The following TMEM138 variants were observed in gnomAD, a reference collection of about 807,000 sequenced individuals.
TMEM138 encodes the protein transmembrane protein 138.
In TMEM138, 9 loss-of-function variants were observed where a neutral mutation model predicts 18.1. The observed-to-expected ratio is 0.50, with a 90% CI of 0.30 to 0.87. TMEM138 has a LOEUF of 0.87. TMEM138 is among the 40% of genes least tolerant of loss of function. The probability of loss-of-function intolerance (pLI) is 0.06; values close to 1 mark genes in which losing one functional copy is unlikely to be tolerated. For synonymous variants in TMEM138, 79 were observed against 74.8 expected (o/e 1.06, Z -0.29); for missense variants, 189 against 190.6 (o/e 0.99, Z 0.05).
At chr11:61,367,860 C>T in intron 3 of TMEM138, 63 bp from the exon 4 acceptor site, 1 of 1,031,694 alleles carries the variant, frequency 9.7e-7, no homozygotes, top group Non-Finnish European at 1.5e-6. Flanking sequence ...TGCAGCTAAC[C>T]AAGTTGGAGA....
At chr11:61,371,072 G>A (rs535607409), downstream of TMEM138, among the ~76,000 whole-genome samples, 336 of 152,284 alleles carry the variant, frequency 2.2e-3, no homozygotes, top group African/African-American at 7.8e-3. Flanking sequence ...GTCTAGCTCT[G>A]TCACCAGGCT....
chr11:61,370,610 A>T (rs1858316441), downstream of TMEM138, among the ~76,000 whole-genome samples: 1 of 152,184 alleles, frequency 6.6e-6, no homozygotes. Context: ...AGAGAGAGTA[A>T]AGAATGGGGG....
chr11:61,371,098 G>A (rs888984641), downstream of TMEM138, among the ~76,000 whole-genome samples: 3 of 152,154 alleles, frequency 2.0e-5, no homozygotes, highest in Non-Finnish European at 4.4e-5. Context: ...GCAGTGGTGC[G>A]ATCTCAGCTC....
chr11:61,367,805 G>C, intron 3 of TMEM138, 118 bp from the exon 4 acceptor site: 2 of 703,646 alleles, frequency 2.8e-6, no homozygotes, highest in Admixed American at 4.2e-5. Context: ...TGGGGTTGTA[G>C]AAAGGAGGAA....
Position 61,366,178 on chromosome 11 carries a change from T to A in TMEM138, c.262T>A (p.Tyr88Asn). 1 of 1,614,252 alleles carries A rather than the reference T, an allele frequency of 6.2e-7. No individual in the cohort carries two copies. Among genetic ancestry groups the A allele is most frequent in the Non-Finnish European group, 8.5e-7 (1 of 1,180,040 alleles). Reference protein sequence around the residue: ...FKGTIILTAVYFALSISLHVW... With the variant: ...FKGTIILTAVNFALSISLHVW... ...AGGGACCATCATCCTGACAGCTGTGTACTTTGCCCTCAGCATCTCCCTTCA... is the reference window on the plus strand; with the variant it reads ...AGGGACCATCATCCTGACAGCTGTGAACTTTGCCCTCAGCATCTCCCTTCA... The change falls in exon 3 of 5, where the codon TAC becomes AAC. Residue 88 changes from tyrosine (Y) to asparagine (N), a missense_variant. Tyr to Asn is a moderately radical substitution (Grantham distance 143). Transcript: ENST00000278826.
At position 61,364,831 on chromosome 11, in the gene TMEM138, G is replaced by A. The variant is rs971550853; in HGVS notation, c.128+313G>A. ...GATTGCTTAAGCCCAGGAGTTCAAG[G>A]CTACAGTGAGCCATGATCATGCCAC... On this transcript the variant is annotated intron_variant, in intron 2 of 4. Transcript: ENST00000278826. The A allele has an allele frequency of 1.0e-4, 19 of 188,934 alleles. No individual in the cohort carries two copies. In the South Asian group the frequency reaches 1.6e-3, roughly 16 times the overall value. 11.7% of individuals were successfully genotyped at this position (188,934 alleles called of 1,614,324 possible).
chr11:61,371,899 G>T (rs543853475), downstream of TMEM138, among the ~76,000 whole-genome samples: 1 of 152,226 alleles, frequency 6.6e-6, no homozygotes, highest in East Asian at 1.9e-4. Context: ...AATTTGGGCC[G>T]GGCACAGTGG....
At chr11:61,366,449 A>T (rs995208671) in intron 3 of TMEM138, 4 of 455,492 alleles carry the variant, frequency 8.8e-6, no homozygotes, top group Non-Finnish European at 1.5e-5. Context: ...GGCTAGGAAT[A>T]ACTTTTCTTT....
chr11:61,363,247 T>C (rs1858001914), intron 1 of TMEM138: 1 of 152,070 alleles, frequency 6.6e-6, no homozygotes, highest in African/African-American at 2.4e-5. Context: ...CTCTCTAAAA[T>C]TTAATGAATG....
chr11:61,368,655 C>T lies in TMEM138; in HGVS notation c.435C>T (p.His145=), dbSNP rs748095062. 55 of 1,614,066 alleles carry T rather than the reference C, an allele frequency of 3.4e-5. No homozygotes were observed. Among genetic ancestry groups the T allele is most frequent in the Non-Finnish European group, 4.7e-5 (55 of 1,180,040 alleles). ...KRTAVRLGDP[H]FYQDSLWLRK... ...CAGCCGTAAGACTAGGCGATCCTCA[C>T]TTCTACCAGGACTCTTTGTGGCTGC... The change falls in exon 5 of 5, where the codon CAC becomes CAT. Residue 145 remains histidine (H), a synonymous_variant. Coordinates refer to ENST00000278826, the MANE Select transcript of TMEM138 (RefSeq NM_016464.5).
intron 4 of TMEM138, 128 bp downstream of exon 4, chr11:61,368,126 C>G: frequency 1.3e-6 from 1 of 776,934 alleles, no homozygotes; most frequent in East Asian, 2.4e-5. Flanking sequence ...ACACCAGGAA[C>G]AGGAGGGATT....
chr11:61,375,465 G>A (rs1396581637), downstream of TMEM138, among the ~76,000 whole-genome samples: 1 of 151,782 alleles, frequency 6.6e-6, no homozygotes, highest in Non-Finnish European at 1.5e-5. Flanking sequence ...TGGGACTACA[G>A]GCATGCGCCA....
chr11:61,366,105 C>G lies in TMEM138; in HGVS notation c.189C>G (p.Thr63=). The change falls in exon 3 of 5, where the codon ACC becomes ACG. Residue 63 remains threonine, a synonymous_variant. Coordinates refer to ENST00000278826, the MANE Select transcript of TMEM138 (RefSeq NM_016464.5). ...TCATTTTCCTCATGTTCTTCAACAC[C>G]TTCGTCTTCCAGGCTGGCCTGGTCA... The part of the protein sequence containing the change: ...IIIIFLMFFN[T]FVFQAGLVNL... The G allele has an allele frequency of 6.2e-7, 1 of 1,614,198 alleles. No homozygotes were observed.
chr11:61,366,118 G>C lies in TMEM138; in HGVS notation c.202G>C (p.Ala68Pro). 1 of 1,614,120 alleles carries C rather than the reference G, an allele frequency of 6.2e-7. No individual in the cohort carries two copies. Among genetic ancestry groups the C allele is most frequent in the Non-Finnish European group, 8.5e-7 (1 of 1,180,026 alleles). The change falls in exon 3 of 5, where the codon GCT (alanine) becomes CCT (proline). Residue 68 changes from alanine (A) to proline (P), a missense_variant. Transcript: ENST00000278826. ...LMFFNTFVFQ[A>P]GLVNLLFHKF... is the part of the protein sequence containing the mutation. ...GTTCTTCAACACCTTCGTCTTCCAG[G>C]CTGGCCTGGTCAACCTCCTATTCCA...
At chr11:61,368,171 TGAG>T in intron 4 of TMEM138, 173 bp downstream of exon 4, 1 of 727,408 alleles carries the variant, frequency 1.4e-6, no homozygotes, top group East Asian at 2.6e-5. Flanking sequence ...CTATGGGAAA[TGAG>T]GAGGCAGGGC....
chr11:61,364,567 G>A, intron 2 of TMEM138, 49 bp downstream of exon 2: 2 of 1,610,324 alleles, frequency 1.2e-6, no homozygotes, highest in Non-Finnish European at 1.7e-6. Context: ...CAATTCAAAG[G>A]CCCTGACAGT....
Position 61,366,210 on chromosome 11 carries a change from G to C in TMEM138, c.294G>C (p.Trp98Cys). Residue 98 changes from tryptophan to cysteine, a missense_variant, in exon 3 of 5, where the codon TGG (tryptophan) becomes TGC (cysteine). Coordinates refer to ENST00000278826, the MANE Select transcript of TMEM138 (RefSeq NM_016464.5). Reference sequence around the variant, plus strand: ...CCCTCAGCATCTCCCTTCATGTCTGGGTCATGGTAAGAGTGGCAGTCTGAA... The same window carrying C: ...CCCTCAGCATCTCCCTTCATGTCTGCGTCATGGTAAGAGTGGCAGTCTGAA... ...YFALSISLHV[W>C]VMNLRWKNSN... 6.2e-7 allele frequency: 1 copy of C among 1,610,872 alleles called. No individual in the cohort carries two copies.
chr11:61,375,834 C>T (rs577104999), downstream of TMEM138, among the ~76,000 whole-genome samples: 5 of 152,256 alleles, frequency 3.3e-5, no homozygotes, highest in East Asian at 1.9e-4. Context: ...TCCACACAGC[C>T]GCTGTCCAAG....
downstream of TMEM138, among the ~76,000 whole-genome samples, chr11:61,376,721 T>C (rs574468991): frequency 1.5e-4 from 23 of 152,178 alleles, no homozygotes; most frequent in Non-Finnish European, 5.9e-5. Flanking sequence ...CCAGGATTGT[T>C]CTTTTGTTTG....
Sources: gnomAD v4.1 joint callset for allele counts (sites outside exome capture counted in the v4.1 genomes callset) on GRCh38, gnomAD v4.1.1 for gene constraint, MANE v1.5 for transcripts, NCBI Gene and HGNC (gene_info 2026-07-23, HGNC 2026-07-21) for gene names.